The following CBFB variants were observed in gnomAD, a reference collection of about 807,000 sequenced individuals.
CBFB encodes core-binding factor subunit beta.
In CBFB, 9 loss-of-function variants were observed where a neutral mutation model predicts 30.4. The ratio of observed to expected loss-of-function variants is 0.30; its 90% CI spans 0.18 to 0.52. The LOEUF is 0.52. Ranked by LOEUF, CBFB falls within the 20% of genes least tolerant of loss-of-function variation. The pLI is 0.97. For missense variants in CBFB, 170 were observed against 244.0 expected, an observed-to-expected ratio of 0.70 and a Z score of 2.02; for synonymous variants, 94 against 84.0, an observed-to-expected ratio of 1.12 and a Z score of -0.65.
intron 5 of CBFB, among the ~76,000 whole-genome samples, chr16:67,091,162 G>A (rs539182471): frequency 2.0e-5 from 3 of 152,280 alleles, no homozygotes; most frequent in South Asian, 2.1e-4. Context: ...AAAAGGATAC[G>A]AAATCTGACT....
At chr16:67,078,815 A>T (rs1048611225) in intron 4 of CBFB, among the ~76,000 whole-genome samples, 2 of 151,922 alleles carry the variant, frequency 1.3e-5, no homozygotes, top group South Asian at 2.1e-4. Flanking sequence ...ATGCCTGGCT[A>T]ATTTTTTGTA....
chr16:67,033,819 GTTTTTT>G (rs573801388), intron 2 of CBFB, among the ~76,000 whole-genome samples: 1 of 91,740 alleles, frequency 1.1e-5, no homozygotes, highest in Admixed American at 1.2e-4. Flanking sequence ...TTTCACCGTT[GTTTTTT>G]TTTTTTTTTT....
intron 1 of CBFB, 41 bp downstream of exon 1, chr16:67,029,526 C>T (rs768746314): frequency 3.9e-6 from 6 of 1,542,744 alleles, no homozygotes; most frequent in African/African-American, 2.8e-5. Flanking sequence ...CGCAGCGCGC[C>T]CCGAGTGGGC....
intron 3 of CBFB, among the ~76,000 whole-genome samples, chr16:67,055,357 CTTTTTT>C (rs1163773529): frequency 8.6e-5 from 7 of 81,464 alleles, no homozygotes; most frequent in East Asian, 3.4e-4. Flanking sequence ...CAGACACTTT[CTTTTTT>C]TTTTTTTTTT....
chr16:67,069,789 C>G lies in CBFB; in HGVS notation c.399+2991C>G, dbSNP rs367956424. On this transcript the variant is annotated intron_variant, in intron 4 of 5. Coordinates refer to ENST00000412916, the MANE Select transcript of CBFB (RefSeq NM_022845.3). ...CTGACTTCTCTTGAAATCATAGAGG[C>G]TAGAAAGTTGTGGGATGACATATTA... Among the ~76,000 whole-genome samples the G allele has an allele frequency of 3.3e-5, 5 of 152,290 alleles. No homozygotes were observed. In the East Asian group the frequency reaches 5.8e-4, roughly 18 times the overall value.
intron 2 of CBFB, among the ~76,000 whole-genome samples, chr16:67,030,621 G>A (rs1419590616): frequency 6.6e-6 from 1 of 152,052 alleles, no homozygotes; most frequent in Non-Finnish European, 1.5e-5. Flanking sequence ...TTTTTTTGAG[G>A]TAGAGTCTTG....
chr16:67,066,820 T>C (rs1238688725), intron 4 of CBFB, 22 bp downstream of exon 4: 2 of 1,352,218 alleles, frequency 1.5e-6, no homozygotes, highest in African/African-American at 1.4e-5. Context: ...TCAGGCTTTA[T>C]TGAGCATGGT....
chr16:67,095,528 A>C (rs1962022590), intron 5 of CBFB, among the ~76,000 whole-genome samples: 1 of 152,076 alleles, frequency 6.6e-6, no homozygotes, highest in Non-Finnish European at 1.5e-5. Context: ...AACAACTGGT[A>C]AAATGGAGTT....
rs779674724 is a variant in CBFB, at chr16:67,029,371, C to G, written c.-37C>G. ...AGCCAGCGGGTGCCCGCGCAAGCCC[C>G]GAGCGCGGCCGGCCGGCGCGGCCTC... On this transcript the variant is annotated 5_prime_UTR_variant, in exon 1 of 6. Coordinates refer to ENST00000412916, the MANE Select transcript of CBFB (RefSeq NM_022845.3). The G allele has an allele frequency of 8.2e-6, 12 of 1,459,714 alleles. No individual in the cohort carries two copies. The highest frequency in any genetic ancestry group is 7.9e-5 in the South Asian group (6 of 76,238). The allele number at this position is 1,459,714 out of a possible 1,614,324, so 90.4% of individuals were successfully genotyped here. A position where few individuals can be genotyped will look rare whatever the true frequency, so the allele number is the denominator to read the frequency against.
At chr16:67,044,010 A>G (rs949582832) in intron 3 of CBFB, among the ~76,000 whole-genome samples, 1 of 152,232 alleles carries the variant, frequency 6.6e-6, no homozygotes. Flanking sequence ...AATTTAAATC[A>G]TTCTTAAGTT....
chr16:67,085,673 CTTTTTTTTTTTTT>C lies in CBFB; in HGVS notation c.495+3375_495+3387del, dbSNP rs764788080. Among the ~76,000 whole-genome samples the C allele has an allele frequency of 2.6e-5, 3 of 115,440 alleles. No homozygotes were observed. The Admixed American group carries it at 2.6e-4, about 10-fold the overall frequency. The allele number at this position is 115,440 out of a possible 152,430, so 75.7% of individuals were successfully genotyped here. On this transcript the variant is annotated intron_variant, in intron 5 of 5. Coordinates refer to ENST00000412916, the MANE Select transcript of CBFB (RefSeq NM_022845.3). ...CTGCACCCAGCCTAAAATTTAGTATCTTTTTTTTTTTTTTTTTTTTTTGAGACGGAGTCTCGCT... is the reference window on the plus strand; with the variant it reads ...CTGCACCCAGCCTAAAATTTAGTATCTTTTTTTTTGAGACGGAGTCTCGCT...
chr16:67,092,698 C>CTTTTTTTTTTTTT (rs777213321), intron 5 of CBFB, among the ~76,000 whole-genome samples: 8 of 33,492 alleles, frequency 2.4e-4, no homozygotes, highest in Admixed American at 6.1e-4. Flanking sequence ...GTGGTGCAAT[C>CTTTTTTTTTTTTT]TTTTTTTTTT....
At chr16:67,078,234 T>C (rs1333905771) in intron 4 of CBFB, among the ~76,000 whole-genome samples, 2 of 152,238 alleles carry the variant, frequency 1.3e-5, no homozygotes, top group African/African-American at 4.8e-5. Flanking sequence ...ACTGCACATA[T>C]GTCTCACATG....
chr16:67,066,199 C>G (rs1961047383), intron 3 of CBFB, among the ~76,000 whole-genome samples: 1 of 151,986 alleles, frequency 6.6e-6, no homozygotes, highest in African/African-American at 2.4e-5. Flanking sequence ...TGCATGCTCT[C>G]TTCAGAGGGT....
At chr16:67,041,839 A>G (rs922325109) in intron 3 of CBFB, among the ~76,000 whole-genome samples, 7 of 147,100 alleles carry the variant, frequency 4.8e-5, no homozygotes, top group African/African-American at 1.8e-4. Context: ...CAGTGGTGCA[A>G]TCATAGTTCA....
In CBFB at chr16:67,088,217, G is replaced by A. The variant is rs529319954; in HGVS notation, c.495+5909G>A. On this transcript the variant is annotated intron_variant, in intron 5 of 5. Transcript: ENST00000412916. ...GGGTTTGTGTGTCTTTTGGCACTTA[G>A]CGTGTATATATTTTGCTTCTTTGTC... is the stretch of plus-strand genomic sequence containing the variant. Among the ~76,000 whole-genome samples, 5 of 152,272 alleles carry A rather than the reference G, an allele frequency of 3.3e-5. No individual in the cohort carries two copies. In the South Asian group the frequency reaches 8.3e-4, roughly 25 times the overall value.
intron 4 of CBFB, among the ~76,000 whole-genome samples, chr16:67,079,515 CTTTTTTTTTTTTT>C (rs34164177): frequency 2.0e-5 from 2 of 98,678 alleles, no homozygotes; most frequent in East Asian, 3.3e-4. Flanking sequence ...GGCCCTGGGT[CTTTTTTTTTTTTT>C]TTTTTTTTTT....
At chr16:67,085,649 T>C (rs926930934) in intron 5 of CBFB, among the ~76,000 whole-genome samples, 185 of 147,660 alleles carry the variant, frequency 1.3e-3, no homozygotes, top group African/African-American at 4.4e-3. Flanking sequence ...TGTGAACCAC[T>C]GCACCCAGCC....
chr16:67,052,121 C>G (rs1597134395), intron 3 of CBFB, among the ~76,000 whole-genome samples: 1 of 152,032 alleles, frequency 6.6e-6, no homozygotes, highest in East Asian at 1.9e-4. Flanking sequence ...CTCAAGTGAT[C>G]CACCTGCCTC....
Sources: gnomAD v4.1 joint callset for allele counts (sites outside exome capture counted in the v4.1 genomes callset) on GRCh38, gnomAD v4.1.1 for gene constraint, MANE v1.5 for transcripts, NCBI Gene and HGNC (gene_info 2026-07-23, HGNC 2026-07-21) for gene names.